The following ADAM12 variants were observed in gnomAD, a reference collection of about 807,000 sequenced individuals.
The protein encoded by ADAM12 is ADAM metallopeptidase domain 12.
In ADAM12, 70 loss-of-function variants were observed where a neutral mutation model predicts 106.4. That is an observed-to-expected ratio of 0.66 (90% confidence interval 0.54 to 0.80). ADAM12 has a LOEUF of 0.80. Ranked by LOEUF, ADAM12 falls within the 30% of genes least tolerant of loss-of-function variation. ADAM12 has a pLI of 0.00. For synonymous variants in ADAM12, 420 were observed against 433.5 expected, an observed-to-expected ratio of 0.97 and a Z score of 0.39; for missense variants, 1,010 against 1,171.9, an observed-to-expected ratio of 0.86 and a Z score of 2.02.
chr10:126,252,241 T>C (rs1040477382), intron 3 of ADAM12, among the ~76,000 whole-genome samples: 2 of 77,796 alleles, frequency 2.6e-5, no homozygotes, highest in African/African-American at 9.4e-5. Flanking sequence ...GATGGATGGA[T>C]TGGACTGATG....
At chr10:126,171,915 T>C (rs1355636019) in intron 3 of ADAM12, among the ~76,000 whole-genome samples, 1 of 152,218 alleles carries the variant, frequency 6.6e-6, no homozygotes, top group African/African-American at 2.4e-5. Context: ...AAACTCATAT[T>C]CTAGAAACAT....
rs1853909655 is a variant in ADAM12, at chr10:126,317,188, A to G, written c.186+13224T>C. Among the ~76,000 whole-genome samples, 6 of 152,136 alleles carry G rather than the reference A, an allele frequency of 3.9e-5. No individual in the cohort carries two copies. In the South Asian group the frequency reaches 1.2e-3, roughly 32 times the overall value. On this transcript the variant is annotated intron_variant, in intron 2 of 22. Transcript: ENST00000448723. ...AGCGAATCCACCCACAGCCCTTCTG[A>G]GGAGTCCTTCCTGAGACACCTCTGG... is the stretch of plus-strand genomic sequence containing the variant.
intron 3 of ADAM12, among the ~76,000 whole-genome samples, chr10:126,230,211 C>T (rs79569976): frequency 0.074 from 11,213 of 152,246 alleles, 496 homozygotes; most frequent in East Asian, 0.13. Flanking sequence ...ATCTGTACCT[C>T]AGATGCAGGG....
chr10:126,105,043 T>C (rs1305977739), intron 8 of ADAM12, among the ~76,000 whole-genome samples: 1 of 152,140 alleles, frequency 6.6e-6, no homozygotes, highest in Non-Finnish European at 1.5e-5. Flanking sequence ...GTCTTTGGCG[T>C]CTGCTGGGGA....
intron 2 of ADAM12, among the ~76,000 whole-genome samples, chr10:126,295,650 A>G (rs1476212465): frequency 1.3e-5 from 2 of 152,066 alleles, no homozygotes; most frequent in East Asian, 1.9e-4. Flanking sequence ...AGTTACCTGA[A>G]TAAGAAAAGT....
At chr10:126,159,092 G>A (rs369783415) in intron 3 of ADAM12, among the ~76,000 whole-genome samples, 28 of 152,072 alleles carry the variant, frequency 1.8e-4, no homozygotes, top group African/African-American at 3.6e-4. Flanking sequence ...GGCAGATCAC[G>A]AGGTCAGGAG....
At chr10:126,325,281 C>G (rs1358257781) in intron 2 of ADAM12, among the ~76,000 whole-genome samples, 1 of 152,152 alleles carries the variant, frequency 6.6e-6, no homozygotes, top group Non-Finnish European at 1.5e-5. Flanking sequence ...CATCTCTGAC[C>G]TTGGCAAAGG....
intron 3 of ADAM12, among the ~76,000 whole-genome samples, chr10:126,221,174 A>T (rs564888771): frequency 6.6e-6 from 1 of 152,302 alleles, no homozygotes; most frequent in East Asian, 1.9e-4. Flanking sequence ...ACTTGAGGTC[A>T]GGAGTTCGAG....
At chr10:126,058,412 T>A (rs1278265) in intron 14 of ADAM12, among the ~76,000 whole-genome samples, 59,444 of 152,152 alleles carry the variant, frequency 0.39, 12,177 homozygotes, top group East Asian at 0.51. Flanking sequence ...CTTTTCTATG[T>A]CTCTGGATTT....
At chr10:126,052,711 T>C (rs938239104) in intron 14 of ADAM12, among the ~76,000 whole-genome samples, 4 of 152,100 alleles carry the variant, frequency 2.6e-5, no homozygotes, top group Non-Finnish European at 5.9e-5. Flanking sequence ...CAACAGGGAT[T>C]GAAGACGCTG....
At chr10:126,367,764 G>A (rs1855962464) in intron 1 of ADAM12, among the ~76,000 whole-genome samples, 1 of 151,872 alleles carries the variant, frequency 6.6e-6, no homozygotes, top group East Asian at 1.9e-4. Flanking sequence ...AACATGTTAT[G>A]CCAATATGTT....
At chr10:126,358,809 C>T (rs1002467090) in intron 1 of ADAM12, among the ~76,000 whole-genome samples, 1 of 151,866 alleles carries the variant, frequency 6.6e-6, no homozygotes, top group Non-Finnish European at 1.5e-5. Flanking sequence ...TTGCAGGATA[C>T]AAAATAAACA....
chr10:126,152,921 A>G (rs567125709), intron 4 of ADAM12, among the ~76,000 whole-genome samples: 1 of 152,300 alleles, frequency 6.6e-6, no homozygotes, highest in South Asian at 2.1e-4. Flanking sequence ...TTTTAAATCT[A>G]TTAGCTCATC....
chr10:126,227,547 G>A (rs370961381), intron 3 of ADAM12, among the ~76,000 whole-genome samples: 46 of 152,230 alleles, frequency 3.0e-4, no homozygotes, highest in African/African-American at 1.1e-3. Flanking sequence ...GAGCTTGTTA[G>A]AAACATAAAT....
intron 14 of ADAM12, among the ~76,000 whole-genome samples, chr10:126,063,719 C>G (rs1052659): frequency 0.2 from 30,508 of 152,054 alleles, 3,561 homozygotes; most frequent in East Asian, 0.27. Flanking sequence ...CAGGGTGGGG[C>G]CTGCACTTGT....
rs1960850292 is a variant in ADAM12, at chr10:126,306,500, T to A, written c.186+23912A>T. On this transcript the variant is annotated intron_variant, in intron 2 of 22. Coordinates refer to ENST00000448723, the MANE Select transcript of ADAM12 (RefSeq NM_001288973.2). ...CTCTTTCTATAGTTCTATGCTTCTA[T>A]CTGGCATCGTTTTCCTTCAACCTGA... Among the ~76,000 whole-genome samples, 8 of 152,310 alleles carry A rather than the reference T, an allele frequency of 5.3e-5. No homozygotes were observed. In the South Asian group the frequency reaches 1.7e-3, roughly 32 times the overall value.
At chr10:126,327,279 T>G (rs1032058145) in intron 2 of ADAM12, among the ~76,000 whole-genome samples, 4 of 152,156 alleles carry the variant, frequency 2.6e-5, no homozygotes, top group Non-Finnish European at 5.9e-5. Context: ...CATGATGAGT[T>G]AGATCTTCAT....
chr10:126,382,641 G>C (rs764695493), intron 1 of ADAM12, among the ~76,000 whole-genome samples: 2 of 152,122 alleles, frequency 1.3e-5, no homozygotes, highest in Non-Finnish European at 2.9e-5. Context: ...TCCATCTGTG[G>C]AAGTACACAG....
chr10:126,222,402 T>C (rs1386174307), intron 3 of ADAM12, among the ~76,000 whole-genome samples: 3 of 151,674 alleles, frequency 2.0e-5, no homozygotes, highest in African/African-American at 4.8e-5. Flanking sequence ...GTGAGTCAGT[T>C]TTCTCATCTG....
Sources: allele counts gnomAD v4.1 joint callset (sites outside exome capture counted in the v4.1 genomes callset), GRCh38; gene constraint gnomAD v4.1.1; transcripts MANE v1.5; gene names NCBI Gene and HGNC (gene_info 2026-07-23, HGNC 2026-07-21).